Variants in RARB observed in about 807,000 individuals in gnomAD.
RARB encodes retinoic acid receptor beta, also known as HBV-activated protein.
RARB carries 17 observed loss-of-function variants against 51.9 expected under a neutral mutation model. That is an observed-to-expected ratio of 0.33 (90% CI 0.22 to 0.49). The LOEUF is 0.49. Ranked by LOEUF, RARB falls within the 20% of genes least tolerant of loss-of-function variation. The probability of loss-of-function intolerance (pLI) is 0.99; values close to 1 mark genes in which losing one functional copy is unlikely to be tolerated. For synonymous variants in RARB, 215 were observed against 195.4 expected (o/e 1.10, Z -0.84); for missense variants, 369 against 550.8 (o/e 0.67, Z 3.30).
At chr3:25,020,697 G>C (rs944135833) in intron 2 of RARB, among the ~76,000 whole-genome samples, 6 of 152,004 alleles carry the variant, frequency 3.9e-5, no homozygotes, top group Non-Finnish European at 8.8e-5. Flanking sequence ...ATAGAGCAGT[G>C]CTTATGTTGT....
At chr3:25,347,840 G>C (rs1376706257) in intron 5 of RARB, among the ~76,000 whole-genome samples, 1 of 152,172 alleles carries the variant, frequency 6.6e-6, no homozygotes, top group African/African-American at 2.4e-5. Flanking sequence ...CCCAGCACTG[G>C]TGATAACGCA....
At chr3:25,293,933 C>T (rs528865590) in intron 5 of RARB, among the ~76,000 whole-genome samples, 3 of 152,234 alleles carry the variant, frequency 2.0e-5, no homozygotes, top group East Asian at 1.9e-4. Flanking sequence ...CATGGCTCAT[C>T]GGTTGTCTGC....
intron 5 of RARB, among the ~76,000 whole-genome samples, chr3:25,224,639 A>G (rs183040148): frequency 2.2e-4 from 33 of 152,090 alleles, no homozygotes; most frequent in Admixed American, 1.8e-3. Flanking sequence ...ACAGGGTCTC[A>G]CTCTTTTGCT....
At chr3:25,512,753 A>C (rs984719595) in intron 3 of RARB, among the ~76,000 whole-genome samples, 1 of 152,142 alleles carries the variant, frequency 6.6e-6, no homozygotes, top group Non-Finnish European at 1.5e-5. Context: ...TCTCCATGCT[A>C]TGAAGTGTTA....
intron 3 of RARB, among the ~76,000 whole-genome samples, chr3:25,540,492 C>G (rs1699330586): frequency 6.6e-6 from 1 of 152,198 alleles, no homozygotes; most frequent in African/African-American, 2.4e-5. Flanking sequence ...TTTTTAACTT[C>G]CGCCCTCATC....
intron 2 of RARB, among the ~76,000 whole-genome samples, chr3:24,904,432 T>G (rs181919261): frequency 6.6e-6 from 1 of 152,188 alleles, no homozygotes; most frequent in African/African-American, 2.4e-5. Flanking sequence ...CACTGGTCAT[T>G]AGAGAAATGC....
intron 5 of RARB, among the ~76,000 whole-genome samples, chr3:25,379,568 A>G (rs1002606067): frequency 6.6e-6 from 1 of 152,230 alleles, no homozygotes; most frequent in African/African-American, 2.4e-5. Context: ...CTACACACAT[A>G]TATACACATA....
intron 2 of RARB, among the ~76,000 whole-genome samples, chr3:24,885,954 T>C (rs924339162): frequency 3.9e-5 from 6 of 152,208 alleles, no homozygotes; most frequent in African/African-American, 1.4e-4. Context: ...TATATTATAC[T>C]GTACTTTATA....
At chr3:25,405,266 C>A (rs924037997) in intron 5 of RARB, among the ~76,000 whole-genome samples, 22 of 152,144 alleles carry the variant, frequency 1.4e-4, no homozygotes. Flanking sequence ...TGGCTGTAAT[C>A]CCAGCACTTT....
At chr3:25,249,566 A>AT (rs145836613) in intron 5 of RARB, among the ~76,000 whole-genome samples, 6,977 of 150,678 alleles carry the variant, frequency 0.046, 334 homozygotes, top group African/African-American at 0.12. Flanking sequence ...GCTTCTTTCA[A>AT]TTTTTTTTAA....
intron 4 of RARB, among the ~76,000 whole-genome samples, chr3:25,142,659 T>A (rs57259009): frequency 0.11 from 16,875 of 151,964 alleles, 1,016 homozygotes; most frequent in African/African-American, 0.15. Context: ...ATCATTAGCT[T>A]TGGGGGAAAG....
chr3:25,308,226 G>A (rs1704199263), intron 5 of RARB, among the ~76,000 whole-genome samples: 2 of 152,012 alleles, frequency 1.3e-5, no homozygotes, highest in African/African-American at 4.8e-5. Context: ...TTTGCTATTG[G>A]GGAACTTTTT....
intron 5 of RARB, among the ~76,000 whole-genome samples, chr3:25,208,073 A>C (rs1396222758): frequency 3.9e-5 from 6 of 152,100 alleles, no homozygotes; most frequent in Non-Finnish European, 8.8e-5. Context: ...ACCGGATCTC[A>C]TGAGTACTCA....
intron 3 of RARB, among the ~76,000 whole-genome samples, chr3:25,074,956 C>G (rs1421717728): frequency 6.6e-6 from 1 of 152,170 alleles, no homozygotes; most frequent in Non-Finnish European, 1.5e-5. Context: ...GTTCCCAGTT[C>G]TATAGTTTCA....
At chr3:25,398,477 G>A (rs73820468) in intron 5 of RARB, among the ~76,000 whole-genome samples, 357 of 152,300 alleles carry the variant, frequency 2.3e-3, no homozygotes, top group African/African-American at 8.2e-3. Flanking sequence ...ACAAGGTATT[G>A]GCACTGTTAA....
At chr3:25,291,330 A>T (rs1703780716) in intron 5 of RARB, among the ~76,000 whole-genome samples, 1 of 152,142 alleles carries the variant, frequency 6.6e-6, no homozygotes, top group Non-Finnish European at 1.5e-5. Context: ...ACTTGCAGAA[A>T]CCAGTCATTA....
intron 1 of RARB, among the ~76,000 whole-genome samples, chr3:25,453,692 T>G (rs1003467936): frequency 5.9e-5 from 9 of 152,170 alleles, no homozygotes; most frequent in Non-Finnish European, 1.3e-4. Context: ...AGCACCTGTT[T>G]CATATGTGGT....
At chr3:25,398,762 A>G (rs1707184657) in intron 5 of RARB, among the ~76,000 whole-genome samples, 1 of 152,234 alleles carries the variant, frequency 6.6e-6, no homozygotes, top group Admixed American at 6.5e-5. Context: ...CAAAGATATT[A>G]TAAAATTGTA....
At chr3:25,571,240 G>GC (rs1461997449) in intron 4 of RARB, among the ~76,000 whole-genome samples, 1 of 152,262 alleles carries the variant, frequency 6.6e-6, no homozygotes, top group African/African-American at 2.4e-5. Flanking sequence ...AGAACCTTGA[G>GC]CAGTACTTTT....
Sources: allele counts gnomAD v4.1 joint callset (sites outside exome capture counted in the v4.1 genomes callset), GRCh38; gene constraint gnomAD v4.1.1; transcripts MANE v1.5; gene names NCBI Gene and HGNC (gene_info 2026-07-23, HGNC 2026-07-21).